Variants in CPNE8 observed in about 807,000 individuals in gnomAD.
CPNE8 encodes copine-8.
A neutral mutation model predicts 81.5 loss-of-function variants in CPNE8; 45 were observed. The ratio of observed to expected loss-of-function variants is 0.55; its 90% CI spans 0.44 to 0.71. The LOEUF (loss-of-function observed/expected upper bound fraction) is 0.71, where lower values mean the gene tolerates loss of function less well. Among genes scored for constraint, CPNE8 ranks in the 30% least tolerant of loss-of-function variants. The pLI is 0.00. For synonymous variants in CPNE8, 252 were observed against 226.3 expected, an observed-to-expected ratio of 1.11 and a Z score of -1.02; for missense variants, 594 against 672.1, an observed-to-expected ratio of 0.88 and a Z score of 1.28.
intron 6 of CPNE8, among the ~76,000 whole-genome samples, chr12:38,778,654 A>G (rs1183196421): frequency 6.6e-6 from 1 of 152,154 alleles, no homozygotes; most frequent in East Asian, 1.9e-4. Context: ...CTGCTTTCCT[A>G]TTGATGTTAA....
At chr12:38,786,933 C>T (rs930377639) in intron 6 of CPNE8, among the ~76,000 whole-genome samples, 3 of 152,132 alleles carry the variant, frequency 2.0e-5, no homozygotes, top group Non-Finnish European at 2.9e-5. Context: ...ATGCGCCCAA[C>T]ACTGAAGCAT....
intron 6 of CPNE8, among the ~76,000 whole-genome samples, chr12:38,812,142 A>G (rs931301864): frequency 1.3e-5 from 2 of 152,214 alleles, no homozygotes; most frequent in South Asian, 4.1e-4. Flanking sequence ...AAGATTTAAC[A>G]CAGAAGGTGG....
intron 15 of CPNE8, among the ~76,000 whole-genome samples, chr12:38,692,244 T>C (rs570517703): frequency 2.2e-4 from 34 of 151,650 alleles, no homozygotes; most frequent in Admixed American, 1.1e-3. Flanking sequence ...AGCTGAGATC[T>C]CACTACTGCA....
chr12:38,750,112 G>A (rs1941320702), intron 10 of CPNE8, among the ~76,000 whole-genome samples: 1 of 152,142 alleles, frequency 6.6e-6, no homozygotes, highest in South Asian at 2.1e-4. Context: ...GAGGCCAAGT[G>A]CAACCTGACC....
intron 1 of CPNE8, among the ~76,000 whole-genome samples, chr12:38,902,572 G>A (rs1944506754): frequency 6.6e-6 from 1 of 152,180 alleles, no homozygotes; most frequent in South Asian, 2.1e-4. Context: ...CCTGCCCATA[G>A]CAAGGCTCAG....
At chr12:38,758,228 T>G (rs1192957924) in intron 10 of CPNE8, among the ~76,000 whole-genome samples, 3 of 152,058 alleles carry the variant, frequency 2.0e-5, no homozygotes, top group Non-Finnish European at 4.4e-5. Context: ...TTTTCACATT[T>G]CACTGGTCCT....
At chr12:38,788,679 T>TATATTTATTTG (rs1176570534) in intron 6 of CPNE8, among the ~76,000 whole-genome samples, 65 of 151,876 alleles carry the variant, frequency 4.3e-4, no homozygotes, top group Non-Finnish European at 8.6e-4. Flanking sequence ...AAATTGTACT[T>TATATTTATTTG]GTTTGCAGAT....
In CPNE8 at chr12:38,767,678, AT is replaced by A; in HGVS notation, c.531del (p.Lys177AsnfsTer30). 1 of 1,564,998 alleles carries A rather than the reference AT, an allele frequency of 6.4e-7. No homozygotes were observed. Among genetic ancestry groups the A allele is most frequent in the Non-Finnish European group, 8.6e-7 (1 of 1,162,500 alleles). On this transcript the variant is annotated frameshift_variant, in exon 8 of 20. Transcript: ENST00000331366. LOFTEE classifies it high-confidence loss of function. The part of the protein sequence containing the change: ...NKLDKKDFFG[K>X]SDPFLVFYRS... ...CGATAAAATACAAGGAAAGGATCTG[AT>A]TTTCCAAAGAAGTCCTTCTTGTCCA...
At chr12:38,768,230 A>G (rs1941730577) in intron 7 of CPNE8, among the ~76,000 whole-genome samples, 1 of 151,980 alleles carries the variant, frequency 6.6e-6, no homozygotes. Context: ...TGGAGACAGA[A>G]AAGTTCCTAC....
chr12:38,842,821 GC>G (rs1555167018), intron 4 of CPNE8, among the ~76,000 whole-genome samples: 1 of 151,620 alleles, frequency 6.6e-6, no homozygotes, highest in Non-Finnish European at 1.5e-5. Context: ...CAAGTAATCC[GC>G]CCCCCTCAGC....
At chr12:38,886,640 T>A (rs549048429) in intron 1 of CPNE8, among the ~76,000 whole-genome samples, 52 of 152,328 alleles carry the variant, frequency 3.4e-4, no homozygotes, top group African/African-American at 1.2e-3. Flanking sequence ...AGAAGAGATG[T>A]AATGTGAGCC....
intron 18 of CPNE8, among the ~76,000 whole-genome samples, chr12:38,673,258 A>G (rs1939219129): frequency 6.6e-6 from 1 of 152,172 alleles, no homozygotes; most frequent in African/African-American, 2.4e-5. Flanking sequence ...ACTGTGAGTC[A>G]ATTAGACCTC....
At chr12:38,691,927 A>C (rs1340733939) in intron 15 of CPNE8, among the ~76,000 whole-genome samples, 1 of 152,172 alleles carries the variant, frequency 6.6e-6, no homozygotes, top group Non-Finnish European at 1.5e-5. Flanking sequence ...CATTAGCAGC[A>C]CCTGAACTCT....
At chr12:38,791,790 T>A (rs1001128357) in intron 6 of CPNE8, among the ~76,000 whole-genome samples, 2 of 151,614 alleles carry the variant, frequency 1.3e-5, no homozygotes, top group Non-Finnish European at 3.0e-5. Flanking sequence ...TACATTCTCT[T>A]CAAGTGAACA....
At chr12:38,683,447 A>C (rs1326340283) in intron 16 of CPNE8, among the ~76,000 whole-genome samples, 2 of 152,122 alleles carry the variant, frequency 1.3e-5, no homozygotes, top group Non-Finnish European at 2.9e-5. Context: ...TAAGCTTTTA[A>C]GAGTTATATA....
intron 6 of CPNE8, among the ~76,000 whole-genome samples, chr12:38,827,166 C>CAAAAAAAAAAAAAAAAA (rs10574071): frequency 1.1e-5 from 1 of 93,148 alleles, no homozygotes; most frequent in Admixed American, 1.1e-4. Context: ...GACTCCGTCT[C>CAAAAAAAAAAAAAAAAA]AAAAAAAAAA....
chr12:38,839,553 C>T (rs1030261333), intron 5 of CPNE8, among the ~76,000 whole-genome samples: 28 of 151,928 alleles, frequency 1.8e-4, no homozygotes, highest in Non-Finnish European at 3.4e-4. Flanking sequence ...ACAAACCACT[C>T]TGCCTACACT....
Position 38,751,743 on chromosome 12 carries a change from TG to T in CPNE8, c.722+9103del, listed in dbSNP as rs200477371. ...TGGAAAGTTGGATTTATAACTCAGA[TG>T]TTTTTGACAGACATGTATGAAACCT... is the stretch of plus-strand genomic sequence containing the variant. On this transcript the variant is annotated intron_variant, in intron 10 of 19. Transcript: ENST00000331366. Among the ~76,000 whole-genome samples, 1,233 of 152,330 alleles carry T rather than the reference TG, an allele frequency of 8.1e-3. 11 individuals carry two copies. The highest frequency in any genetic ancestry group is 0.044 in the Middle Eastern group (13 of 294).
At chr12:38,727,007 C>G (rs1940715933) in intron 11 of CPNE8, among the ~76,000 whole-genome samples, 1 of 152,140 alleles carries the variant, frequency 6.6e-6, no homozygotes, top group Non-Finnish European at 1.5e-5. Flanking sequence ...ACAGTAGCAT[C>G]CGTCACTTCT....
Sources: allele counts gnomAD v4.1 joint callset (sites outside exome capture counted in the v4.1 genomes callset), GRCh38; gene constraint gnomAD v4.1.1; transcripts MANE v1.5; gene names NCBI Gene and HGNC (gene_info 2026-07-23, HGNC 2026-07-21).